EXOC6B: variants seen among roughly 807,000 people sequenced by gnomAD.
EXOC6B encodes the protein exocyst complex component 6B.
Under a neutral mutation model 113.5 loss-of-function variants are expected in EXOC6B, and 54 were observed. The observed-to-expected ratio is 0.48, with a 90% CI of 0.38 to 0.60. EXOC6B has a LOEUF of 0.60. Among genes scored for constraint, EXOC6B ranks in the 20% least tolerant of loss-of-function variants. The probability of loss-of-function intolerance (pLI) is 0.00; values close to 1 mark genes in which losing one functional copy is unlikely to be tolerated. For synonymous variants in EXOC6B, 357 were observed against 339.0 expected (o/e 1.05, Z -0.58); for missense variants, 797 against 977.5 (o/e 0.82, Z 2.46).
chr2:72,788,842 A>G (rs765169559), intron 1 of EXOC6B, among the ~76,000 whole-genome samples: 85 of 152,124 alleles, frequency 5.6e-4, no homozygotes, highest in African/African-American at 1.9e-3. Context: ...AAACAAAAAG[A>G]ATCTCCCATA....
At chr2:72,694,173 A>T (rs1321954438) in intron 6 of EXOC6B, among the ~76,000 whole-genome samples, 1 of 152,104 alleles carries the variant, frequency 6.6e-6, no homozygotes, top group Admixed American at 6.6e-5. Flanking sequence ...GGGGCATGGT[A>T]GCTCACACTT....
chr2:72,558,683 C>T (rs1475127066), intron 8 of EXOC6B, among the ~76,000 whole-genome samples: 1 of 151,956 alleles, frequency 6.6e-6, no homozygotes, highest in Non-Finnish European at 1.5e-5. Context: ...GCAGGAGAAT[C>T]GCTTGAACCC....
At position 72,452,922 on chromosome 2, in the gene EXOC6B, T is replaced by C. The variant is rs1228993902; in HGVS notation, c.1980+12238A>G. ...ATCACACATCCTCAGTTGTCCTTAG[T>C]TGTGCTTTATTGTTCCTGATCTAAT... On this transcript the variant is annotated intron_variant, in intron 18 of 21. Coordinates refer to ENST00000272427, the MANE Select transcript of EXOC6B (RefSeq NM_015189.3). Among the ~76,000 whole-genome samples the C allele has an allele frequency of 2.0e-5, 3 of 152,184 alleles. No individual in the cohort carries two copies. The East Asian group carries it at 5.8e-4, about 29-fold the overall frequency.
rs140183934 is a variant in EXOC6B at position 72,741,576 on chromosome 2, C to A, written c.114-107G>T. ...TAGGGCACATAAGCCACAAAATAAT[C>A]CAACTGTATATTAACATGCCTTATT... On this transcript the variant is annotated intron_variant, in intron 1 of 21. Transcript: ENST00000272427. The A allele has an allele frequency of 1.1e-4, 105 of 937,090 alleles. No individual in the cohort carries two copies. The African/African-American group carries it at 1.5e-3, about 14-fold the overall frequency. The allele number at this position is 937,090 out of a possible 1,614,324, so 58.0% of individuals were successfully genotyped here. A position where few individuals can be genotyped will look rare whatever the true frequency, so the allele number is the denominator to read the frequency against.
chr2:72,711,348 A>G (rs1679260999), intron 6 of EXOC6B, among the ~76,000 whole-genome samples: 1 of 152,186 alleles, frequency 6.6e-6, no homozygotes, highest in Non-Finnish European at 1.5e-5. Context: ...GGCAGAACCT[A>G]CATGTATGTC....
chr2:72,732,497 G>A (rs1423320369), intron 3 of EXOC6B, among the ~76,000 whole-genome samples: 2 of 152,018 alleles, frequency 1.3e-5, no homozygotes, highest in South Asian at 2.1e-4. Context: ...TATTTGTTGA[G>A]CATCCACACT....
chr2:72,497,407 C>T (rs937233431), intron 13 of EXOC6B, among the ~76,000 whole-genome samples: 1 of 151,920 alleles, frequency 6.6e-6, no homozygotes, highest in African/African-American at 2.4e-5. Context: ...TTTTTTAAAT[C>T]GATAGGTTCT....
At chr2:72,661,687 A>C (rs1465720799) in intron 6 of EXOC6B, among the ~76,000 whole-genome samples, 1 of 152,120 alleles carries the variant, frequency 6.6e-6, no homozygotes, top group Non-Finnish European at 1.5e-5. Flanking sequence ...ATTTTTATAG[A>C]TAGAAACAAG....
At chr2:72,588,438 A>T (rs1705720061) in intron 6 of EXOC6B, among the ~76,000 whole-genome samples, 1 of 152,026 alleles carries the variant, frequency 6.6e-6, no homozygotes, top group Non-Finnish European at 1.5e-5. Context: ...TAAAAACAAA[A>T]CTGTATGAAA....
intron 6 of EXOC6B, among the ~76,000 whole-genome samples, chr2:72,608,811 A>G (rs910794407): frequency 1.3e-5 from 2 of 152,124 alleles, no homozygotes; most frequent in African/African-American, 4.8e-5. Context: ...ATAAAGAACA[A>G]AGTATCACAA....
chr2:72,182,315 G>A (rs73942536), intron 21 of EXOC6B, among the ~76,000 whole-genome samples: 21 of 152,268 alleles, frequency 1.4e-4, no homozygotes, highest in African/African-American at 4.6e-4. Context: ...TGGGAACGGA[G>A]GAGTAAAGGA....
At chr2:72,581,520 T>C (rs1705223446) in intron 6 of EXOC6B, among the ~76,000 whole-genome samples, 1 of 152,200 alleles carries the variant, frequency 6.6e-6, no homozygotes, top group Non-Finnish European at 1.5e-5. Flanking sequence ...AGGATTTCCA[T>C]CAATAAGGTT....
chr2:72,221,240 A>G (rs888443691), intron 20 of EXOC6B, among the ~76,000 whole-genome samples: 15 of 152,370 alleles, frequency 9.8e-5, no homozygotes, highest in African/African-American at 3.6e-4. Context: ...ACTTTAAGCC[A>G]GGATTGACAT....
chr2:72,392,104 G>T (rs545076948), intron 18 of EXOC6B, among the ~76,000 whole-genome samples: 17 of 152,228 alleles, frequency 1.1e-4, no homozygotes, highest in African/African-American at 4.1e-4. Flanking sequence ...TGCAGGTCCT[G>T]GTTCCTCATT....
At chr2:72,361,945 A>G (rs1162497637) in intron 19 of EXOC6B, among the ~76,000 whole-genome samples, 4 of 152,208 alleles carry the variant, frequency 2.6e-5, no homozygotes, top group Non-Finnish European at 5.9e-5. Context: ...CTGTTCTGCC[A>G]CTAGTATATA....
intron 20 of EXOC6B, among the ~76,000 whole-genome samples, chr2:72,203,096 A>C (rs1215014283): frequency 6.6e-6 from 1 of 152,214 alleles, no homozygotes; most frequent in Non-Finnish European, 1.5e-5. Context: ...ACGTTCAGCA[A>C]ATACTGGCGA....
At chr2:72,207,631 A>C (rs889672481) in intron 20 of EXOC6B, among the ~76,000 whole-genome samples, 4 of 152,232 alleles carry the variant, frequency 2.6e-5, no homozygotes, top group Non-Finnish European at 5.9e-5. Context: ...GATATCCATC[A>C]ATAAACTGCT....
chr2:72,682,175 C>T (rs1014362185), intron 6 of EXOC6B, among the ~76,000 whole-genome samples: 3 of 152,046 alleles, frequency 2.0e-5, no homozygotes, highest in Admixed American at 6.6e-5. Flanking sequence ...CAGAAAAAGG[C>T]CCTTGAGCTG....
intron 18 of EXOC6B, among the ~76,000 whole-genome samples, chr2:72,449,337 A>T (rs754752923): frequency 1.0e-3 from 158 of 151,686 alleles, no homozygotes; most frequent in Non-Finnish European, 1.8e-3. Context: ...CGCCCAGCTA[A>T]TTTTTTTGTA....
Sources: allele counts gnomAD v4.1 joint callset (sites outside exome capture counted in the v4.1 genomes callset), GRCh38; gene constraint gnomAD v4.1.1; transcripts MANE v1.5; gene names NCBI Gene and HGNC (gene_info 2026-07-23, HGNC 2026-07-21).